The following CFAP92 variants were observed in gnomAD, a reference collection of about 807,000 sequenced individuals.
CFAP92 encodes uncharacterized protein CFAP92.
A neutral mutation model predicts 106.3 loss-of-function variants in CFAP92; 86 were observed. That is an observed-to-expected ratio of 0.81 (90% CI 0.68 to 0.97). CFAP92 has a LOEUF of 0.97. Among genes scored for constraint, CFAP92 ranks in the 50% least tolerant of loss-of-function variants. The pLI is 0.00. For missense variants in CFAP92, 1,204 were observed against 1,283.8 expected, an observed-to-expected ratio of 0.94 and a Z score of 0.95; for synonymous variants, 477 against 506.4, an observed-to-expected ratio of 0.94 and a Z score of 0.78.
intron 4 of CFAP92, among the ~76,000 whole-genome samples, chr3:128,985,850 G>A (rs1943821372): frequency 6.6e-6 from 1 of 152,186 alleles, no homozygotes; most frequent in Non-Finnish European, 1.5e-5. Flanking sequence ...TCAGCCAGGG[G>A]TGATTTTGAC....
chr3:128,953,607 CCCTCT>C (rs1327839429), intron 9 of CFAP92, among the ~76,000 whole-genome samples: 2 of 123,516 alleles, frequency 1.6e-5, no homozygotes, highest in African/African-American at 7.9e-5. Context: ...CTCCCCCTCT[CCCTCT>C]CCCTCTCCCT....
chr3:128,956,196 T>TAAATAAAAAAAAAAAAAAAAAA (rs1941372225), intron 9 of CFAP92, among the ~76,000 whole-genome samples: 2 of 61,718 alleles, frequency 3.2e-5, no homozygotes, highest in African/African-American at 1.8e-4. Flanking sequence ...AAAAAAAAAA[T>TAAATAAAAAAAAAAAAAAAAAA]AAAAAAAAAA....
upstream of CFAP92, chr3:129,004,120 G>A (rs1238271823): frequency 7.0e-7 from 1 of 1,435,186 alleles, no homozygotes; most frequent in Non-Finnish European, 9.1e-7. Flanking sequence ...CCCCAATTCG[G>A]CTCCCATTTT....
intron 10 of CFAP92, among the ~76,000 whole-genome samples, chr3:128,939,717 A>T (rs937379707): frequency 6.6e-6 from 1 of 152,060 alleles, no homozygotes; most frequent in Non-Finnish European, 1.5e-5. Context: ...CGTGGAAGAC[A>T]ATTTTTCCAC....
At chr3:128,945,033 C>A (rs1414964206) in intron 10 of CFAP92, 38 bp downstream of exon 10, 1 of 1,460,912 alleles carries the variant, frequency 6.8e-7, no homozygotes, top group East Asian at 2.5e-5. Context: ...CATCCAGATG[C>A]CATCATTTTT....
intron 9 of CFAP92, among the ~76,000 whole-genome samples, chr3:128,961,663 T>G (rs536148086): frequency 6.6e-6 from 1 of 152,366 alleles, no homozygotes; most frequent in South Asian, 2.1e-4. Context: ...ACCCAGTTCA[T>G]GGCAGCAACC....
chr3:128,982,830 G>A (rs1943614329), intron 4 of CFAP92, among the ~76,000 whole-genome samples: 1 of 152,164 alleles, frequency 6.6e-6, no homozygotes. Context: ...CTGTGTTCTG[G>A]AGTCAGAACA....
intron 2 of CFAP92, among the ~76,000 whole-genome samples, chr3:128,989,968 T>C (rs1944110950): frequency 6.6e-6 from 1 of 152,152 alleles, no homozygotes; most frequent in Non-Finnish European, 1.5e-5. Flanking sequence ...ACAATATCTA[T>C]CAAAAACTAT....
rs1482503986 is a variant in CFAP92 at position 128,915,001 on chromosome 3, T to C, written c.3280+118A>G. ...ATTCTGCATCTTGCTTTTCTTAGCA[T>C]AGAAAGTTTGGTTGATAGTGTAAAC... On this transcript the variant is annotated intron_variant, in intron 15 of 15. Coordinates refer to ENST00000645291, the MANE Select transcript of CFAP92 (RefSeq NM_001394090.1). 6 of 995,386 alleles carry C rather than the reference T, an allele frequency of 6.0e-6. No homozygotes were observed. The African/African-American group carries it at 6.5e-5, about 11-fold the overall frequency. 61.7% of individuals were successfully genotyped at this position (995,386 alleles called of 1,614,324 possible).
the CFAP92 span, among the ~76,000 whole-genome samples, chr3:129,009,172 T>C: frequency 6.6e-6 from 1 of 152,182 alleles, no homozygotes. Flanking sequence ...TCTTCTCTCC[T>C]CTGTTTTCTC....
intron 1 of CFAP92, chr3:129,002,169 C>T (rs1944811524): frequency 3.4e-6 from 5 of 1,474,922 alleles, no homozygotes; most frequent in Non-Finnish European, 3.6e-6. Flanking sequence ...CCGTCCGCGC[C>T]GCCGCCGCCG....
In CFAP92 at chr3:128,965,615, G is replaced by T. The variant is rs765071739; in HGVS notation, c.1249C>A (p.Pro417Thr). 1.3e-4 allele frequency: 51 copies of T among 398,748 alleles called. No homozygotes were observed. Among genetic ancestry groups the T allele is most frequent in the Admixed American group, 5.7e-4 (13 of 22,688 alleles). 24.7% of individuals were successfully genotyped at this position (398,748 alleles called of 1,614,324 possible). A position where few individuals can be genotyped will look rare whatever the true frequency, so the allele number is the denominator to read the frequency against. Residue 417 changes from proline to threonine, a missense_variant, in exon 9 of 16, where the codon CCG becomes ACG. Pro to Thr is a conservative substitution (Grantham distance 38). Transcript: ENST00000645291. ...TGCTTTTGCTCCTCGGTCATGATCG[G>T]AACTTCTGTTTTTAAAGTCAAAAGG... ...DCLLTLKTEV[P>T]IMTEEQKQDL...
chr3:128,935,388 C>A, intron 10 of CFAP92, 69 bp from the exon 11 acceptor site: 1 of 1,063,846 alleles, frequency 9.4e-7, no homozygotes, highest in Non-Finnish European at 1.3e-6. Flanking sequence ...TGAGGGTGCG[C>A]TGTCAGGTAC....
In CFAP92 at chr3:128,971,357, G is replaced by T; in HGVS notation, c.1098C>A (p.Asp366Glu). 1 of 1,613,640 alleles carries T rather than the reference G, an allele frequency of 6.2e-7. No homozygotes were observed. Residue 366 changes from aspartate to glutamate, a missense_variant, in exon 8 of 16, where the codon GAC becomes GAA. Transcript: ENST00000645291. Reference protein sequence around the residue: ...HKKPLAEEEADPTLTGPRKQS... With the variant: ...HKKPLAEEEAEPTLTGPRKQS... ...GCTTCCTGGGGCCTGTCAGCGTGGG[G>T]TCTGCCTCTTCTTCTGCCAGGGGCT...
chr3:128,994,183 C>T (rs1037352862), upstream of CFAP92: 13 of 983,334 alleles, frequency 1.3e-5, no homozygotes, highest in Non-Finnish European at 1.4e-5. Flanking sequence ...CGGGGCTCCG[C>T]GGGGCGGGGC....
intron 15 of CFAP92, among the ~76,000 whole-genome samples, chr3:128,911,612 A>G (rs754466331): frequency 4.0e-5 from 6 of 150,806 alleles, no homozygotes; most frequent in Non-Finnish European, 8.9e-5. Flanking sequence ...TAATATTTGT[A>G]TTTTTAGTAG....
intron 10 of CFAP92, among the ~76,000 whole-genome samples, chr3:128,942,264 G>A (rs767104139): frequency 6.6e-6 from 1 of 152,180 alleles, no homozygotes; most frequent in Non-Finnish European, 1.5e-5. Flanking sequence ...CAGAGTCCAC[G>A]ATGGCTCCAG....
upstream of CFAP92, among the ~76,000 whole-genome samples, chr3:129,007,319 T>C (rs1018577477): frequency 2.6e-5 from 4 of 152,166 alleles, no homozygotes; most frequent in African/African-American, 4.8e-5. Context: ...GCAGTTGGCC[T>C]AGAGGGCTGC....
intron 10 of CFAP92, among the ~76,000 whole-genome samples, chr3:128,939,322 A>G (rs1279001291): frequency 1.3e-5 from 2 of 152,004 alleles, no homozygotes; most frequent in Non-Finnish European, 2.9e-5. Flanking sequence ...TATTTTTAGT[A>G]GAGACGGGTT....
Sources: allele counts gnomAD v4.1 joint callset (sites outside exome capture counted in the v4.1 genomes callset), GRCh38; gene constraint gnomAD v4.1.1; transcripts MANE v1.5; gene names NCBI Gene and HGNC (gene_info 2026-07-23, HGNC 2026-07-21).